The following MEF2A variants were observed in gnomAD, a reference collection of about 807,000 sequenced individuals.
The protein encoded by MEF2A is myocyte enhancer factor 2A.
MEF2A carries 28 observed loss-of-function variants against 55.8 expected under a neutral mutation model. The ratio of observed to expected loss-of-function variants is 0.50; its 90% CI spans 0.37 to 0.69. MEF2A has a LOEUF of 0.69. Among genes scored for constraint, MEF2A ranks in the 30% least tolerant of loss-of-function variants. The pLI, the probability that MEF2A is intolerant of heterozygous loss-of-function variation, is 0.00. For missense variants in MEF2A, 528 were observed against 626.2 expected (o/e 0.84, Z 1.67); for synonymous variants, 239 against 227.1 (o/e 1.05, Z -0.47).
At chr15:99,663,776 A>G (rs886825740) in intron 4 of MEF2A, among the ~76,000 whole-genome samples, 8 of 152,188 alleles carry the variant, frequency 5.3e-5, no homozygotes. Context: ...TACTTAAAAA[A>G]AAGTTTATAC....
At chr15:99,622,593 GA>G (rs2041369521) in intron 2 of MEF2A, among the ~76,000 whole-genome samples, 1 of 151,552 alleles carries the variant, frequency 6.6e-6, no homozygotes, top group Non-Finnish European at 1.5e-5. Flanking sequence ...ACTTAACATA[GA>G]ATTTACCACT....
At chr15:99,697,602 G>C (rs2056692730) in intron 8 of MEF2A, among the ~76,000 whole-genome samples, 1 of 152,086 alleles carries the variant, frequency 6.6e-6, no homozygotes, top group Non-Finnish European at 1.5e-5. Flanking sequence ...TGAATAGATA[G>C]ATACATCATG....
At chr15:99,584,403 A>G (rs946625427) in intron 1 of MEF2A, among the ~76,000 whole-genome samples, 2 of 152,244 alleles carry the variant, frequency 1.3e-5, no homozygotes, top group Middle Eastern at 3.2e-3. Context: ...AGCATTAGTC[A>G]TAATAGGTAA....
Position 99,605,918 on chromosome 15 carries a change from C to A in MEF2A, c.-143+7407C>A, listed in dbSNP as rs530067607. Among the ~76,000 whole-genome samples the A allele has an allele frequency of 3.9e-5, 6 of 152,184 alleles. No individual in the cohort carries two copies. In the South Asian group the frequency reaches 1.2e-3, roughly 32 times the overall value. ...CCGGGAGGCAGAGGTTGCAGTGAGC[C>A]GAGATCATGCCCTGTGTTGGATTTT... On this transcript the variant is annotated intron_variant, in intron 2 of 11. Coordinates refer to ENST00000557942, the MANE Select transcript of MEF2A (RefSeq NM_001319206.4).
chr15:99,629,029 A>G (rs764665877), intron 2 of MEF2A, among the ~76,000 whole-genome samples: 1 of 147,654 alleles, frequency 6.8e-6, no homozygotes, highest in Non-Finnish European at 1.5e-5. Flanking sequence ...CATTTTGAAG[A>G]TACCATTTCA....
At chr15:99,707,549 T>C (rs1225628289) in intron 10 of MEF2A, among the ~76,000 whole-genome samples, 2 of 152,188 alleles carry the variant, frequency 1.3e-5, no homozygotes. Flanking sequence ...GGAGTGCTTT[T>C]AGCCAAGCAG....
chr15:99,588,694 C>T (rs1968236027), intron 1 of MEF2A, among the ~76,000 whole-genome samples: 1 of 152,074 alleles, frequency 6.6e-6, no homozygotes, highest in Admixed American at 6.6e-5. Context: ...TTTCTTGCCT[C>T]AGCCTCCCAA....
At chr15:99,603,748 G>C (rs532046054) in intron 2 of MEF2A, among the ~76,000 whole-genome samples, 4 of 152,198 alleles carry the variant, frequency 2.6e-5, no homozygotes, top group African/African-American at 9.6e-5. Context: ...GTGTTGAGTG[G>C]AGTTTTCTAA....
chr15:99,641,838 T>A (rs2045035351), intron 3 of MEF2A, among the ~76,000 whole-genome samples: 1 of 152,218 alleles, frequency 6.6e-6, no homozygotes, highest in Non-Finnish European at 1.5e-5. Context: ...TCACTTTTTC[T>A]TCATTATTCC....
intron 8 of MEF2A, among the ~76,000 whole-genome samples, chr15:99,694,130 C>T (rs1416628174): frequency 6.6e-6 from 1 of 152,204 alleles, no homozygotes; most frequent in Non-Finnish European, 1.5e-5. Context: ...TTAGCCTCCT[C>T]TTGACTGTGA....
At chr15:99,568,522 T>G (rs890573319) in intron 1 of MEF2A, among the ~76,000 whole-genome samples, 1 of 152,214 alleles carries the variant, frequency 6.6e-6, no homozygotes, top group Non-Finnish European at 1.5e-5. Flanking sequence ...AGAGGAATAT[T>G]GAATTATATT....
chr15:99,608,901 C>CAA (rs35786772), intron 2 of MEF2A, among the ~76,000 whole-genome samples: 4 of 138,410 alleles, frequency 2.9e-5, no homozygotes, highest in South Asian at 2.3e-4. Flanking sequence ...AACTCCGTCT[C>CAA]AAAAAAAAAA....
intron 4 of MEF2A, among the ~76,000 whole-genome samples, chr15:99,651,042 C>G (rs1567327242): frequency 6.6e-6 from 1 of 152,138 alleles, no homozygotes; most frequent in African/African-American, 2.4e-5. Flanking sequence ...AAACAAAGAG[C>G]AAGCACAAAC....
intron 1 of MEF2A, among the ~76,000 whole-genome samples, chr15:99,595,980 T>A (rs1316017509): frequency 2.0e-5 from 3 of 152,114 alleles, no homozygotes; most frequent in East Asian, 3.8e-4. Flanking sequence ...AGGCTCAGTG[T>A]ATGAAATTTG....
chr15:99,686,114 G>T (rs964060726), intron 7 of MEF2A, among the ~76,000 whole-genome samples: 16 of 152,028 alleles, frequency 1.1e-4, no homozygotes, highest in Non-Finnish European at 2.2e-4. Flanking sequence ...TTTACTTTAT[G>T]TGAGTCCTTA....
At chr15:99,663,426 A>G (rs1467564614) in intron 4 of MEF2A, among the ~76,000 whole-genome samples, 2 of 152,114 alleles carry the variant, frequency 1.3e-5, no homozygotes, top group Non-Finnish European at 2.9e-5. Flanking sequence ...CTTTTAACAT[A>G]TGCTCAACTG....
At chr15:99,678,504 G>A (rs558336415) in intron 7 of MEF2A, 41 of 319,092 alleles carry the variant, frequency 1.3e-4, no homozygotes, top group Admixed American at 7.1e-4. Context: ...ATAGTTTTGC[G>A]TTACCTTTAA....
At chr15:99,603,807 G>A (rs1974157806) in intron 2 of MEF2A, among the ~76,000 whole-genome samples, 1 of 152,162 alleles carries the variant, frequency 6.6e-6, no homozygotes, top group Non-Finnish European at 1.5e-5. Context: ...TAAGACTTCT[G>A]TGTCCCTTTT....
In MEF2A at chr15:99,710,712, C is replaced by T. The variant is rs768987862; in HGVS notation, c.1088C>T (p.Ser363Leu). ...SPGMLSLGQVSAWQQHHLGQA... is the reference protein window; with the variant it reads ...SPGMLSLGQVLAWQQHHLGQA... ...GGAATGCTGTCGCTGGGACAGGTGT[C>T]GGCCTGGCAGCAGCACCACCTAGGA... Residue 363 changes from serine to leucine, a missense_variant, in exon 11 of 12, where the codon TCG (serine) becomes TTG (leucine). Coordinates refer to ENST00000557942, the MANE Select transcript of MEF2A (RefSeq NM_001319206.4). The T allele has an allele frequency of 6.2e-6, 10 of 1,613,086 alleles. No homozygotes were observed. The highest frequency in any genetic ancestry group is 3.3e-5 in the Admixed American group (2 of 59,990).
Sources: gnomAD v4.1 joint callset for allele counts (sites outside exome capture counted in the v4.1 genomes callset) on GRCh38, gnomAD v4.1.1 for gene constraint, MANE v1.5 for transcripts, NCBI Gene and HGNC (gene_info 2026-07-23, HGNC 2026-07-21) for gene names.